Variants in JMJD1C observed in about 807,000 individuals in gnomAD.
JMJD1C encodes the protein jumonji domain containing 1C.
A neutral mutation model predicts 245.3 loss-of-function variants in JMJD1C; 31 were observed. That is an observed-to-expected ratio of 0.13 (90% CI 0.09 to 0.17). JMJD1C has a LOEUF of 0.17. JMJD1C is among the 10% of genes least tolerant of loss of function. The probability of loss-of-function intolerance (pLI) is 1.00; values close to 1 mark genes in which losing one functional copy is unlikely to be tolerated. For missense variants in JMJD1C, 2,691 were observed against 3,000.2 expected, an observed-to-expected ratio of 0.90 and a Z score of 2.41; for synonymous variants, 1,057 against 1,017.4, an observed-to-expected ratio of 1.04 and a Z score of -0.74.
chr10:63,271,099 A>C (rs1856245465), intron 2 of JMJD1C, among the ~76,000 whole-genome samples: 1 of 152,204 alleles, frequency 6.6e-6, no homozygotes, highest in Non-Finnish European at 1.5e-5. Flanking sequence ...ACATGCACTG[A>C]AACTTTAAAA....
In JMJD1C at chr10:63,361,976, G is replaced by T. The variant is rs1218607318; in HGVS notation, c.333+18342C>A. ...GGGCCAAGCACAGTGGTTCACACCT[G>T]TAATCCCAGCACTTTGGGAGGCCGA... On this transcript the variant is annotated intron_variant, in intron 2 of 25. Transcript: ENST00000399262. 1.3e-5 allele frequency among the ~76,000 whole-genome samples: 2 copies of T among 152,048 alleles called. 1 individual carries two copies. Among genetic ancestry groups the T allele is most frequent in the African/African-American group, 4.8e-5 (2 of 41,402 alleles).
intron 16 of JMJD1C, among the ~76,000 whole-genome samples, chr10:63,192,009 A>C (rs1319638301): frequency 8.0e-5 from 9 of 113,090 alleles, no homozygotes; most frequent in East Asian, 2.6e-4. Context: ...AAAAAAAAAA[A>C]CACAAAAAAC....
At chr10:63,477,638 C>T (rs996067097) in intron 1 of JMJD1C, among the ~76,000 whole-genome samples, 11 of 150,186 alleles carry the variant, frequency 7.3e-5, no homozygotes, top group African/African-American at 2.4e-4. Context: ...TAGATCTCAA[C>T]GTAAAATATA....
At chr10:63,412,161 T>C (rs931940067) in intron 1 of JMJD1C, among the ~76,000 whole-genome samples, 7 of 152,140 alleles carry the variant, frequency 4.6e-5, no homozygotes, top group African/African-American at 1.7e-4. Context: ...AAAAGCTGAA[T>C]GTAATTTTTG....
intron 2 of JMJD1C, chr10:63,380,078 C>A (rs923713940): frequency 2.2e-6 from 1 of 461,566 alleles, no homozygotes. Flanking sequence ...TAGCTGGGAC[C>A]ACAGGTATGT....
intron 2 of JMJD1C, among the ~76,000 whole-genome samples, chr10:63,318,766 T>C (rs1940437907): frequency 6.6e-6 from 1 of 152,200 alleles, no homozygotes; most frequent in South Asian, 2.1e-4. Context: ...ATTTTCTCTA[T>C]ACTTTGGTTA....
intron 1 of JMJD1C, among the ~76,000 whole-genome samples, chr10:63,478,671 G>C (rs565756624): frequency 3.8e-4 from 58 of 152,276 alleles, no homozygotes; most frequent in Non-Finnish European, 7.6e-4. Flanking sequence ...AGTCATGCAG[G>C]CAGGGCTTAT....
chr10:63,439,057 G>A (rs893764898), intron 1 of JMJD1C, among the ~76,000 whole-genome samples: 4 of 152,130 alleles, frequency 2.6e-5, no homozygotes, highest in Admixed American at 1.3e-4. Context: ...TCTGCTGAAT[G>A]GATAAATCTA....
intron 1 of JMJD1C, among the ~76,000 whole-genome samples, chr10:63,384,263 G>T (rs770771207): frequency 4.6e-5 from 7 of 152,080 alleles, no homozygotes; most frequent in Non-Finnish European, 7.3e-5. Context: ...TTGATATTAT[G>T]ACCTCCTCCC....
At chr10:63,346,521 CA>C (rs1030046107) in intron 2 of JMJD1C, among the ~76,000 whole-genome samples, 2 of 152,236 alleles carry the variant, frequency 1.3e-5, no homozygotes, top group Non-Finnish European at 2.9e-5. Flanking sequence ...TTCAACCACT[CA>C]TGAATAACCA....
chr10:63,380,268 GT>G (rs1343747330), intron 2 of JMJD1C, 49 bp downstream of exon 2: 1 of 1,584,368 alleles, frequency 6.3e-7, no homozygotes, highest in Non-Finnish European at 8.7e-7. Context: ...GTTGTTCTTT[GT>G]TTTAAACGAA....
intron 3 of JMJD1C, among the ~76,000 whole-genome samples, chr10:63,255,449 A>G (rs898255844): frequency 3.3e-5 from 5 of 152,200 alleles, no homozygotes; most frequent in African/African-American, 1.2e-4. Flanking sequence ...TTAGCAGAAT[A>G]AACCCGTCAA....
chr10:63,476,159 G>A (rs1028409924), intron 1 of JMJD1C, among the ~76,000 whole-genome samples: 2 of 151,496 alleles, frequency 1.3e-5, no homozygotes, highest in African/African-American at 4.9e-5. Context: ...GCAGTGAGCC[G>A]AGATTGCACC....
intron 1 of JMJD1C, among the ~76,000 whole-genome samples, chr10:63,392,867 AACACACACACACACACACACACAC>A (rs34778084): frequency 2.7e-5 from 3 of 112,262 alleles, no homozygotes; most frequent in African/African-American, 1.0e-4. Context: ...AAAGTACATA[AACACACACACACACACACACACAC>A]ACACACACAC....
At chr10:63,206,363 T>C (rs1011212909) in intron 10 of JMJD1C, among the ~76,000 whole-genome samples, 4 of 152,232 alleles carry the variant, frequency 2.6e-5, no homozygotes, top group East Asian at 1.9e-4. Flanking sequence ...AGGTAAGATA[T>C]ATATTTCTAC....
intron 3 of JMJD1C, among the ~76,000 whole-genome samples, chr10:63,227,726 A>G (rs1187681943): frequency 6.6e-6 from 1 of 152,220 alleles, no homozygotes; most frequent in Non-Finnish European, 1.5e-5. Context: ...GTTACCATAA[A>G]AGCAATTATT....
intron 1 of JMJD1C, among the ~76,000 whole-genome samples, chr10:63,398,234 CT>C (rs994570665): frequency 5.9e-5 from 9 of 151,594 alleles, no homozygotes; most frequent in South Asian, 2.1e-4. Flanking sequence ...TTTGATATGA[CT>C]TTTTTTTTCT....
intron 2 of JMJD1C, among the ~76,000 whole-genome samples, chr10:63,287,392 T>C (rs529670755): frequency 5.9e-5 from 9 of 152,350 alleles, no homozygotes; most frequent in Middle Eastern, 3.4e-3. Context: ...TCTCAATACA[T>C]TGATATCATT....
chr10:63,445,862 A>T (rs1042160774), intron 1 of JMJD1C, among the ~76,000 whole-genome samples: 4 of 75,756 alleles, frequency 5.3e-5, no homozygotes, highest in Admixed American at 3.5e-4. Flanking sequence ...TGGGATCTGA[A>T]TTTTTTTTTT....
Sources: gnomAD v4.1 joint callset for allele counts (sites outside exome capture counted in the v4.1 genomes callset) on GRCh38, gnomAD v4.1.1 for gene constraint, MANE v1.5 for transcripts, NCBI Gene and HGNC (gene_info 2026-07-23, HGNC 2026-07-21) for gene names.